The following NOX5 variants were observed in gnomAD, a reference collection of about 807,000 sequenced individuals.
NOX5 encodes NADPH oxidase, EF-hand calcium binding domain 5.
A neutral mutation model predicts 85.7 loss-of-function variants in NOX5; 76 were observed. The observed-to-expected ratio is 0.89, with a 90% CI of 0.74 to 1.07. The LOEUF (loss-of-function observed/expected upper bound fraction) is 1.07, where lower values mean the gene tolerates loss of function less well. NOX5 is among the 50% of genes least tolerant of loss of function. The pLI is 0.00. For missense variants in NOX5, 973 were observed against 999.5 expected, an observed-to-expected ratio of 0.97 and a Z score of 0.36; for synonymous variants, 405 against 401.4, an observed-to-expected ratio of 1.01 and a Z score of -0.11.
chr15:69,036,770 C>G (rs1458638701), intron 7 of NOX5, among the ~76,000 whole-genome samples: 1 of 152,126 alleles, frequency 6.6e-6, no homozygotes, highest in African/African-American at 2.4e-5. Context: ...TGGGGGCAGT[C>G]CACTCTGCCC....
At position 69,031,820 on chromosome 15, in the gene NOX5, C is replaced by CT; in HGVS notation, c.620+8_620+9insT. 6.3e-7 allele frequency: 1 copy of CT among 1,589,610 alleles called. No homozygotes were observed. The highest frequency in any genetic ancestry group is 8.6e-7 in the Non-Finnish European group (1 of 1,163,146). ...GGAGAACCTGACCATCAGGTACGGC[C>CT]GGGTCTCGGGCATTGGCACTGTCCA... On this transcript the variant is annotated intron_variant, in intron 4 of 15. Transcript: ENST00000388866.
intron 10 of NOX5, 42 bp from the exon 11 acceptor site, chr15:69,046,780 G>A: frequency 6.3e-7 from 1 of 1,589,718 alleles, no homozygotes; most frequent in African/African-American, 1.3e-5. Context: ...CCCTAACACT[G>A]TCCATTCCAA....
rs991485737 is a variant in NOX5 at position 69,059,554 on chromosome 15, A to T, written c.*2858A>T. The T allele has an allele frequency of 1.3e-5, 2 of 152,116 alleles. No homozygotes were observed. The allele number at this position is 152,116 out of a possible 1,614,324, so 9.4% of individuals were successfully genotyped here. On this transcript the variant is annotated 3_prime_UTR_variant, in exon 16 of 16. Transcript: ENST00000388866. ...TTTCCTCTTTTCTGCTTGCAACAAAATGTCCATCGGTGAGGTCAAGTTGAA... is the reference window on the plus strand; with the variant it reads ...TTTCCTCTTTTCTGCTTGCAACAAATTGTCCATCGGTGAGGTCAAGTTGAA...
chr15:69,032,256 C>T (rs1456433451), intron 4 of NOX5, among the ~76,000 whole-genome samples: 1 of 152,162 alleles, frequency 6.6e-6, no homozygotes, highest in Admixed American at 6.5e-5. Context: ...GACGAAGAGA[C>T]ATGTCATTTA....
At position 69,042,658 on chromosome 15, in the gene NOX5, CT is replaced by C; in HGVS notation, c.1505-4del. On this transcript the variant is annotated splice_polypyrimidine_tract_variant and splice_region_variant and intron_variant, in intron 9 of 15. Coordinates refer to ENST00000388866, the MANE Select transcript of NOX5 (RefSeq NM_024505.4). ...CCTTTCCCCTCCCACTCTTCTCTTT[CT>C]CAGACACTATCTGGCTGCACATTCG... 1 of 1,612,054 alleles carries C rather than the reference CT, an allele frequency of 6.2e-7. No homozygotes were observed.
chr15:69,028,170 C>G lies in NOX5; in HGVS notation c.175-45C>G, dbSNP rs779084265. 35 of 1,537,956 alleles carry G rather than the reference C, an allele frequency of 2.3e-5. No homozygotes were observed. In the Admixed American group the frequency reaches 2.5e-4, roughly 11 times the overall value. ...ACAGTGAACAAATTCAAAGCCCAGG[C>G]CCTGCGGCCACAGTTGTGCTGTCTT... On this transcript the variant is annotated intron_variant, in intron 2 of 15. Transcript: ENST00000388866.
intron 2 of NOX5, among the ~76,000 whole-genome samples, chr15:69,027,491 C>T (rs1240673352): frequency 6.6e-6 from 1 of 152,012 alleles, no homozygotes; most frequent in Non-Finnish European, 1.5e-5. Context: ...TACTTGTGAA[C>T]CCCTCATAGT....
intron 8 of NOX5, 129 bp from the exon 9 acceptor site, chr15:69,038,726 AAG>A (rs1432861372): frequency 7.8e-7 from 1 of 1,277,500 alleles, no homozygotes; most frequent in Admixed American, 2.0e-5. Flanking sequence ...AGAAGCACAG[AAG>A]AGTGTCATGT....
At chr15:69,016,764 TACAC>T (rs1016924544) in intron 1 of NOX5, among the ~76,000 whole-genome samples, 1 of 151,626 alleles carries the variant, frequency 6.6e-6, no homozygotes, top group Non-Finnish European at 1.5e-5. Context: ...CACACACACA[TACAC>T]ACACACACTA....
At chr15:69,055,977 G>A (rs2050807660) in intron 15 of NOX5, among the ~76,000 whole-genome samples, 1 of 152,184 alleles carries the variant, frequency 6.6e-6, no homozygotes, top group South Asian at 2.1e-4. Context: ...GGCCCAGAAG[G>A]TGCTGCTTTT....
intron 4 of NOX5, among the ~76,000 whole-genome samples, chr15:69,032,739 T>G (rs746413823): frequency 6.6e-6 from 1 of 152,186 alleles, no homozygotes; most frequent in African/African-American, 2.4e-5. Context: ...TTCTTGGGGC[T>G]TACTTACCAA....
At chr15:69,031,859 C>T in intron 4 of NOX5, 47 bp downstream of exon 4, 1 of 1,538,914 alleles carries the variant, frequency 6.5e-7, no homozygotes, top group African/African-American at 1.4e-5. Context: ...CGGCGTTAGA[C>T]TCCTGGTCGG....
rs377439854 is a variant in NOX5, at chr15:69,038,999, A to C, written c.1504+10A>C. The C allele has an allele frequency of 1.9e-6, 3 of 1,613,768 alleles. No homozygotes were observed. Among genetic ancestry groups the C allele is most frequent in the Non-Finnish European group, 2.5e-6 (3 of 1,179,926 alleles). ...GCTCCTGAGCAGAAAGGTAATGGCC[A>C]CCTCCTCCAGTCACTCTGCACATAT... is the stretch of plus-strand genomic sequence containing the variant. On this transcript the variant is annotated intron_variant, in intron 9 of 15. Transcript: ENST00000388866.
At chr15:69,038,023 A>G (rs2050544444) in intron 8 of NOX5, 1 of 152,486 alleles carries the variant, frequency 6.6e-6, no homozygotes, top group Admixed American at 6.5e-5. Flanking sequence ...AGGTTCTTGC[A>G]AATACAAAGA....
intron 5 of NOX5, among the ~76,000 whole-genome samples, chr15:69,034,353 T>C (rs1323501088): frequency 6.6e-6 from 1 of 152,192 alleles, no homozygotes; most frequent in Non-Finnish European, 1.5e-5. Flanking sequence ...CAAAATGGGG[T>C]ACCCATCCCT....
At chr15:69,033,772 G>T (rs1443548379) in intron 5 of NOX5, among the ~76,000 whole-genome samples, 4 of 138,592 alleles carry the variant, frequency 2.9e-5, no homozygotes. Context: ...TCAGCTCACT[G>T]CAACTTTTGC....
Position 69,038,892 on chromosome 15 carries a change from T to G in NOX5, c.1407T>G (p.Phe469Leu). Residue 469 changes from phenylalanine (F) to leucine (L), a missense_variant, in exon 9 of 16, where the codon TTT (phenylalanine) becomes TTG (leucine). Transcript: ENST00000388866. ...THLLIKRPPFFHYRPGDYLYL... is the reference protein window; with the variant it reads ...THLLIKRPPFLHYRPGDYLYL... ...TCCTCATCAAGCGGCCCCCTTTTTT[T>G]CACTATAGACCTGGTGACTACTTGT... 6.2e-7 allele frequency: 1 copy of G among 1,614,162 alleles called. No individual in the cohort carries two copies. Among genetic ancestry groups the G allele is most frequent in the East Asian group, 2.2e-5 (1 of 44,884 alleles).
chr15:69,052,133 A>T (rs2050756935), intron 14 of NOX5, among the ~76,000 whole-genome samples: 1 of 151,838 alleles, frequency 6.6e-6, no homozygotes, highest in African/African-American at 2.4e-5. Flanking sequence ...TGGGAGGATC[A>T]CTTGAGGCCA....
chr15:69,039,040 C>T (rs769227365), intron 9 of NOX5, 51 bp downstream of exon 9: 22 of 1,598,124 alleles, frequency 1.4e-5, no homozygotes, highest in South Asian at 3.3e-5. Context: ...GAGTTCCTAC[C>T]GTGGGCCAAG....
Sources: allele counts gnomAD v4.1 joint callset (sites outside exome capture counted in the v4.1 genomes callset), GRCh38; gene constraint gnomAD v4.1.1; transcripts MANE v1.5; gene names NCBI Gene and HGNC (gene_info 2026-07-23, HGNC 2026-07-21).